Variants in C5orf34 observed in about 807,000 individuals in gnomAD.
C5orf34 encodes uncharacterized protein C5orf34.
In C5orf34, 73 loss-of-function variants were observed where a neutral mutation model predicts 78.4. That is an observed-to-expected ratio of 0.93 (90% CI 0.77 to 1.13). The LOEUF (loss-of-function observed/expected upper bound fraction) is 1.13. C5orf34 is among the 50% of genes most tolerant of loss of function. The pLI, the probability that C5orf34 is intolerant of heterozygous loss-of-function variation, is 0.00. For synonymous variants in C5orf34, 251 were observed against 246.6 expected (o/e 1.02, Z -0.17); for missense variants, 730 against 732.7 (o/e 1.00, Z 0.04).
chr5:43,501,251 G>T (rs1745745912), intron 6 of C5orf34, among the ~76,000 whole-genome samples: 3 of 151,856 alleles, frequency 2.0e-5, no homozygotes, highest in Admixed American at 6.6e-5. Flanking sequence ...TCACTTGATT[G>T]TCTGATGTAC....
chr5:43,508,882 C>T (rs1473452020), intron 2 of C5orf34, among the ~76,000 whole-genome samples: 1 of 152,112 alleles, frequency 6.6e-6, no homozygotes, highest in African/African-American at 2.4e-5. Flanking sequence ...TTACTTGAGG[C>T]CAGGAGTGTG....
At position 43,502,488 on chromosome 5, in the gene C5orf34, G is replaced by A. The variant is rs779990350; in HGVS notation, c.1036C>T (p.His346Tyr). ...ATCTCTATTGAGTTCATATTTTGAT[G>A]GGTAAGTCTAAGAAATAGAAATAAC... Reference protein sequence around the residue: ...WYKGVTYRLTHQNMNSIEIYS... With the variant: ...WYKGVTYRLTYQNMNSIEIYS... Residue 346 changes from histidine to tyrosine, a missense_variant, in exon 6 of 13, where the codon CAT becomes TAT. His to Tyr is a moderately conservative substitution (Grantham distance 83). Transcript: ENST00000306862. The A allele has an allele frequency of 1.3e-6, 2 of 1,551,336 alleles. No individual in the cohort carries two copies. The highest frequency in any genetic ancestry group is 1.9e-5 in the Admixed American group (1 of 52,216).
At chr5:43,505,488 A>C (rs1745941487) in intron 4 of C5orf34, 1 of 384,302 alleles carries the variant, frequency 2.6e-6, no homozygotes, top group Non-Finnish European at 4.6e-6. Context: ...TAAAGCAGGG[A>C]CTGTGTCTTA....
chr5:43,492,144 ATGCTTAT>A (rs1188401281), intron 10 of C5orf34, 64 bp downstream of exon 10: 3 of 1,007,004 alleles, frequency 3.0e-6, no homozygotes, highest in East Asian at 2.5e-5. Context: ...CACTTAAATA[ATGCTTAT>A]TGCTTATTCT....
intron 12 of C5orf34, among the ~76,000 whole-genome samples, chr5:43,487,382 ATTTCT>A (rs1039340733): frequency 2.6e-4 from 39 of 152,252 alleles, no homozygotes; most frequent in African/African-American, 7.9e-4. Flanking sequence ...TTTCAGTAAC[ATTTCT>A]TTAAGTGAAG....
At chr5:43,498,381 A>T (rs1048223476) in intron 6 of C5orf34, among the ~76,000 whole-genome samples, 2 of 152,178 alleles carry the variant, frequency 1.3e-5, no homozygotes, top group Non-Finnish European at 2.9e-5. Flanking sequence ...TCTTACAATT[A>T]AGAGTGTCTT....
chr5:43,504,050 T>C (rs1745877061), intron 4 of C5orf34, among the ~76,000 whole-genome samples: 1 of 152,210 alleles, frequency 6.6e-6, no homozygotes, highest in Non-Finnish European at 1.5e-5. Flanking sequence ...TGGTGGCTCA[T>C]GCCTGTAATC....
At chr5:43,505,482 G>A (rs1403671104) in intron 4 of C5orf34, 2 of 371,848 alleles carry the variant, frequency 5.4e-6, no homozygotes, top group African/African-American at 4.2e-5. Context: ...TTGCTATAAA[G>A]CAGGGACTGT....
intron 6 of C5orf34, among the ~76,000 whole-genome samples, chr5:43,497,082 T>A (rs766662353): frequency 5.3e-5 from 8 of 152,172 alleles, no homozygotes; most frequent in Non-Finnish European, 1.0e-4. Flanking sequence ...GAAGAAATAC[T>A]GCTACAGTTT....
intron 6 of C5orf34, chr5:43,495,536 A>C (rs1462990857): frequency 3.7e-6 from 6 of 1,611,094 alleles, no homozygotes; most frequent in Non-Finnish European, 5.1e-6. Flanking sequence ...ATTGAAGCCC[A>C]CATTGTCCCC....
chr5:43,507,186 C>T (rs1490210041), intron 3 of C5orf34, among the ~76,000 whole-genome samples: 1 of 152,166 alleles, frequency 6.6e-6, no homozygotes, highest in African/African-American at 2.4e-5. Flanking sequence ...ATAAAAGACT[C>T]ATAACAAGTA....
chr5:43,506,180 T>A lies in C5orf34; in HGVS notation c.500A>T (p.Lys167Ile), dbSNP rs1745977170. The A allele has an allele frequency of 6.2e-7, 1 of 1,614,194 alleles. No individual in the cohort carries two copies. The stretch of plus-strand genomic sequence containing the variant: ...TTCAACTAGTTTATCTTTTGGGGCT[T>A]TATTATTTGTTTCTGACAACACTGC... ...SSAVLSETNNKAPKDKLVEKT... is the reference protein window; with the variant it reads ...SSAVLSETNNIAPKDKLVEKT... The change falls in exon 4 of 13, where the codon AAA becomes ATA. Residue 167 changes from lysine (K) to isoleucine (I), a missense_variant. Transcript: ENST00000306862.
At position 43,490,708 on chromosome 5, in the gene C5orf34, T is replaced by C. The variant is rs1334744262; in HGVS notation, c.1602A>G (p.Ser534=). 1 of 1,601,476 alleles carries C rather than the reference T, an allele frequency of 6.2e-7. No individual in the cohort carries two copies. Among genetic ancestry groups the C allele is most frequent in the Non-Finnish European group, 8.6e-7 (1 of 1,169,434 alleles). Residue 534 remains serine (S), a synonymous_variant, in exon 11 of 13, where the codon TCA becomes TCG. Transcript: ENST00000306862. ...TAGTCTGGGTCAGTCTCCTGCACCA[T>C]GATGTTACTGTTGTCACATATCTAA... The part of the protein sequence containing the change: ...PYERYVTTVT[S]WCRRLTQTSP...
intron 3 of C5orf34, among the ~76,000 whole-genome samples, chr5:43,507,517 T>A (rs1252341171): frequency 6.6e-6 from 1 of 152,194 alleles, no homozygotes; most frequent in Non-Finnish European, 1.5e-5. Context: ...TTTCAGTGAA[T>A]AAAGTGACTC....
intron 6 of C5orf34, chr5:43,495,976 G>A: frequency 6.3e-7 from 1 of 1,591,168 alleles, no homozygotes; most frequent in Admixed American, 1.7e-5. Context: ...TCTGGCTGTA[G>A]GGTGGCTCAG....
chr5:43,511,615 G>T (rs1746264573), intron 1 of C5orf34, among the ~76,000 whole-genome samples: 1 of 152,234 alleles, frequency 6.6e-6, no homozygotes, highest in Admixed American at 6.5e-5. Flanking sequence ...AAAAGATAGA[G>T]AAATCAGATT....
At chr5:43,506,822 A>T (rs1003357038) in intron 3 of C5orf34, among the ~76,000 whole-genome samples, 6 of 148,772 alleles carry the variant, frequency 4.0e-5, no homozygotes, top group South Asian at 2.1e-4. Context: ...AGTTTTAAAT[A>T]AAAAAAAAAG....
intron 6 of C5orf34, chr5:43,496,545 T>C: frequency 1.9e-6 from 2 of 1,052,372 alleles, no homozygotes; most frequent in South Asian, 1.8e-5. Context: ...TTTTTAAAAA[T>C]ATAGAATTAC....
chr5:43,496,233 A>G, intron 6 of C5orf34: 1 of 1,576,610 alleles, frequency 6.3e-7, no homozygotes, highest in Non-Finnish European at 8.6e-7. Context: ...ACAAGGAGAT[A>G]TCAATGGTGA....
Sources: gnomAD v4.1 joint callset for allele counts (sites outside exome capture counted in the v4.1 genomes callset) on GRCh38, gnomAD v4.1.1 for gene constraint, MANE v1.5 for transcripts, NCBI Gene and HGNC (gene_info 2026-07-23, HGNC 2026-07-21) for gene names.